The following GRM5 variants were observed in gnomAD, a reference collection of about 807,000 sequenced individuals.
The protein encoded by GRM5 is metabotropic glutamate receptor 5.
In GRM5, 19 loss-of-function variants were observed where a neutral mutation model predicts 83.1. That is an observed-to-expected ratio of 0.23 (90% confidence interval 0.16 to 0.34). GRM5 has a LOEUF of 0.34. Among genes scored for constraint, GRM5 ranks in the 10% least tolerant of loss-of-function variants. The pLI, the probability that GRM5 is intolerant of heterozygous loss-of-function variation, is 1.00. For synonymous variants in GRM5, 675 were observed against 633.6 expected (o/e 1.07, Z -0.98); for missense variants, 1,160 against 1,588.3 (o/e 0.73, Z 4.58).
chr11:89,014,414 A>G (rs1940795714), intron 2 of GRM5, among the ~76,000 whole-genome samples: 1 of 152,124 alleles, frequency 6.6e-6, no homozygotes, highest in Non-Finnish European at 1.5e-5. Context: ...CTTGGTTTCA[A>G]TGCTATTACT....
chr11:89,018,919 T>A (rs1940919395), intron 2 of GRM5, among the ~76,000 whole-genome samples: 1 of 152,216 alleles, frequency 6.6e-6, no homozygotes, highest in Admixed American at 6.5e-5. Context: ...ATATGGTTCA[T>A]TTGTCACAAA....
chr11:88,575,941 G>A (rs1943101200), intron 7 of GRM5, among the ~76,000 whole-genome samples: 2 of 151,848 alleles, frequency 1.3e-5, no homozygotes, highest in African/African-American at 2.4e-5. Context: ...TATTTTATAG[G>A]GGAATTTGAA....
intron 2 of GRM5, among the ~76,000 whole-genome samples, chr11:88,955,862 T>C (rs763528091): frequency 2.0e-5 from 3 of 152,358 alleles, no homozygotes; most frequent in South Asian, 2.1e-4. Flanking sequence ...CTTTGCACAA[T>C]AGATATTTAT....
At chr11:88,829,577 T>A (rs531033464) in intron 3 of GRM5, among the ~76,000 whole-genome samples, 1 of 152,282 alleles carries the variant, frequency 6.6e-6, no homozygotes, top group South Asian at 2.1e-4. Context: ...ATATATAATT[T>A]AAAATATGTA....
Position 88,567,297 on chromosome 11 carries a change from T to C in GRM5, c.2386A>G (p.Asn796Asp). 2 of 1,614,018 alleles carry C rather than the reference T, an allele frequency of 1.2e-6. No homozygotes were observed. The highest frequency in any genetic ancestry group is 1.7e-6 in the Non-Finnish European group (2 of 1,179,894). ...LAFVPIYFGS[N>D]YKIITMCFSV... is the part of the protein sequence containing the mutation. ...AAACACATGGTGATGATTTTGTAGT[T>C]GCTGCCAAAGTAGATTGGCACAAAA... The change falls in exon 8 of 10, where the codon AAC becomes GAC. Residue 796 changes from asparagine (N) to aspartate (D), a missense_variant. By Grantham distance (23) the Asn-to-Asp change is conservative. This residue lies in a region of GRM5 where 66 missense variants were observed against 138.6 expected (regional missense o/e 0.48). Transcript: ENST00000305447. The surrounding 1 kb of genome is among the most constrained non-coding windows in gnomAD (Gnocchi z 7.3).
intron 3 of GRM5, among the ~76,000 whole-genome samples, chr11:88,685,362 G>A (rs905510182): frequency 6.6e-6 from 1 of 152,180 alleles, no homozygotes; most frequent in African/African-American, 2.4e-5. Flanking sequence ...GCATTCAAAA[G>A]GTGACTTGGG....
intron 9 of GRM5, chr11:88,512,483 A>G (rs1235472178): frequency 6.5e-6 from 1 of 154,084 alleles, no homozygotes; most frequent in Non-Finnish European, 1.5e-5. Context: ...AGTACATTCT[A>G]TGAAGACACA....
At chr11:88,737,288 G>A (rs1218214640) in intron 3 of GRM5, among the ~76,000 whole-genome samples, 1 of 152,030 alleles carries the variant, frequency 6.6e-6, no homozygotes, top group Non-Finnish European at 1.5e-5. Context: ...ACAGACAGAG[G>A]TAAGAGTTGA....
chr11:89,018,592 GA>G (rs1940912725), intron 2 of GRM5, among the ~76,000 whole-genome samples: 1 of 152,010 alleles, frequency 6.6e-6, no homozygotes, highest in South Asian at 2.1e-4. Context: ...CTGGGATACG[GA>G]AATTAAAGAC....
intron 8 of GRM5, among the ~76,000 whole-genome samples, chr11:88,532,890 C>T (rs1942046255): frequency 6.6e-6 from 1 of 152,144 alleles, no homozygotes; most frequent in African/African-American, 2.4e-5. Flanking sequence ...GCATATACTG[C>T]AGGCTCCATC....
rs1473188853 is a variant in GRM5 at position 88,505,304 on chromosome 11, G to T, written c.*3288C>A. The T allele has an allele frequency of 6.6e-6, 1 of 152,156 alleles. No individual in the cohort carries two copies. The allele number at this position is 152,156 out of a possible 1,614,324, so 9.4% of individuals were successfully genotyped here. A position where few individuals can be genotyped will look rare whatever the true frequency, so the allele number is the denominator to read the frequency against. ...TCTCCAAAACATGTACATTTTACTG[G>T]GAGACTAGCATAGGAAATGCTTTTG... On this transcript the variant is annotated 3_prime_UTR_variant, in exon 10 of 10. Transcript: ENST00000305447.
chr11:88,830,309 ATAAAATATATT>A (rs575194402), intron 3 of GRM5, among the ~76,000 whole-genome samples: 4 of 151,186 alleles, frequency 2.6e-5, no homozygotes, highest in Admixed American at 6.6e-5. Context: ...ATATATTTAA[ATAAAATATATT>A]TAAAATATAT....
intron 3 of GRM5, among the ~76,000 whole-genome samples, chr11:88,726,142 A>G (rs1941674731): frequency 6.6e-6 from 1 of 152,200 alleles, no homozygotes; most frequent in Admixed American, 6.5e-5. Flanking sequence ...GAACCTTGAA[A>G]AAAGATGAGA....
At chr11:89,044,326 G>A (rs1216546150) in intron 2 of GRM5, among the ~76,000 whole-genome samples, 1 of 151,916 alleles carries the variant, frequency 6.6e-6, no homozygotes, top group African/African-American at 2.4e-5. Flanking sequence ...TTGCCTAGAA[G>A]TTCCAGGCAT....
At chr11:88,810,529 A>C (rs574789817) in intron 3 of GRM5, among the ~76,000 whole-genome samples, 2 of 152,194 alleles carry the variant, frequency 1.3e-5, no homozygotes, top group African/African-American at 4.8e-5. Context: ...AATTAGGAAG[A>C]GAGTAGATAC....
chr11:88,735,179 ATTCACCACATTCTCACTCCTGTCTC>A (rs1941887197), intron 3 of GRM5, among the ~76,000 whole-genome samples: 2 of 151,976 alleles, frequency 1.3e-5, no homozygotes, highest in Non-Finnish European at 2.9e-5. Flanking sequence ...AAATGATGAT[ATTCACCACATTCTCACTCCTGTCTC>A]ATGGGCTTTT....
intron 2 of GRM5, among the ~76,000 whole-genome samples, chr11:88,896,743 A>C (rs1945234453): frequency 6.6e-6 from 1 of 151,908 alleles, no homozygotes; most frequent in Admixed American, 6.6e-5. Context: ...GGACATCATA[A>C]AAGATTAGAT....
chr11:88,895,011 G>C (rs1441831869), intron 2 of GRM5, among the ~76,000 whole-genome samples: 1 of 151,860 alleles, frequency 6.6e-6, no homozygotes, highest in African/African-American at 2.4e-5. Flanking sequence ...TGTTATAGTA[G>C]CCTGAACTGA....
chr11:88,865,809 C>T (rs1944652884), intron 2 of GRM5, among the ~76,000 whole-genome samples: 1 of 151,990 alleles, frequency 6.6e-6, no homozygotes, highest in African/African-American at 2.4e-5. Flanking sequence ...ATGAAAAAAA[C>T]TCATCGTCAC....
Sources: gnomAD v4.1 joint callset for allele counts (sites outside exome capture counted in the v4.1 genomes callset) on GRCh38, gnomAD v4.1.1 for gene constraint, gnomAD v4.1.1 regional missense constraint, Gnocchi (gnomAD v3.1) non-coding constraint, MANE v1.5 for transcripts, NCBI Gene and HGNC (gene_info 2026-07-23, HGNC 2026-07-21) for gene names.